ZSCAN4: variants seen among roughly 807,000 people sequenced by gnomAD.
ZSCAN4 encodes the protein zinc finger and SCAN domain-containing protein 4.
Under a neutral mutation model 18.3 loss-of-function variants are expected in ZSCAN4, and 18 were observed. The observed-to-expected ratio is 0.98, with a 90% CI of 0.68 to 1.46. The LOEUF (loss-of-function observed/expected upper bound fraction) is 1.46, where lower values mean the gene tolerates loss of function less well. Ranked by LOEUF, ZSCAN4 falls within the 40% of genes most tolerant of loss-of-function variation. ZSCAN4 has a pLI of 0.00. For synonymous variants in ZSCAN4, 193 were observed against 180.3 expected (o/e 1.07, Z -0.57); for missense variants, 498 against 511.4 (o/e 0.97, Z 0.25).
At chr19:57,653,852 C>G in the ZSCAN4 span, among the ~76,000 whole-genome samples, 4 of 152,342 alleles carry the variant, frequency 2.6e-5, no homozygotes, top group South Asian at 8.3e-4. Context: ...TCAAGGGACA[C>G]TGGAAGTCAG....
At chr19:57,656,107 G>A in the ZSCAN4 span, among the ~76,000 whole-genome samples, 1 of 152,130 alleles carries the variant, frequency 6.6e-6, no homozygotes, top group South Asian at 2.1e-4. Context: ...AAAGGGACCT[G>A]CATAGTAAAT....
the ZSCAN4 span, among the ~76,000 whole-genome samples, chr19:57,663,520 T>TAAAAAAAAAAAAAAAAAAAAAAAAA: frequency 6.0e-5 from 4 of 66,572 alleles, no homozygotes; most frequent in African/African-American, 2.6e-4. Context: ...ACCATGTCTC[T>TAAAAAAAAAAAAAAAAAAAAAAAAA]AAAAAAAAAA....
the ZSCAN4 span, among the ~76,000 whole-genome samples, chr19:57,658,807 C>G: frequency 4.7e-4 from 66 of 141,752 alleles, no homozygotes; most frequent in South Asian, 0.014. Context: ...GCACTCCAGC[C>G]TGGGCAGCAG....
At chr19:57,652,985 C>T in the ZSCAN4 span, among the ~76,000 whole-genome samples, 1 of 152,130 alleles carries the variant, frequency 6.6e-6, no homozygotes, top group African/African-American at 2.4e-5. Context: ...TGCTCTCCAC[C>T]ACCAAGATGC....
Position 57,676,513 on chromosome 19 carries a change from C to A in ZSCAN4, c.368C>A (p.Thr123Asn), listed in dbSNP as rs753069151. ...TTGGAGAGATTCATAGAAGACCTGA[C>A]TGATGACAGCATAAATCCACCTGCC... is the stretch of plus-strand genomic sequence containing the variant. Residue 123 changes from threonine to asparagine, a missense_variant, in exon 3 of 5, where the codon ACT becomes AAT. Physicochemically the swap from Thr to Asn is moderately conservative, Grantham distance 65. Transcript: ENST00000318203. 3.7e-6 allele frequency: 6 copies of A among 1,613,698 alleles called. No homozygotes were observed. In the African/African-American group the frequency reaches 5.3e-5, roughly 14 times the overall value.
At chr19:57,666,338 C>A (rs1469381854), upstream of ZSCAN4, among the ~76,000 whole-genome samples, 2 of 152,106 alleles carry the variant, frequency 1.3e-5, no homozygotes, top group African/African-American at 4.8e-5. Context: ...CTCTCCAGTT[C>A]TTTCCTTCTC....
chr19:57,667,396 A>C (rs1983884402), upstream of ZSCAN4, among the ~76,000 whole-genome samples: 1 of 152,162 alleles, frequency 6.6e-6, no homozygotes, highest in Admixed American at 6.5e-5. Context: ...ATCAAATCCT[A>C]GCCCAGCCAC....
intron 2 of ZSCAN4, among the ~76,000 whole-genome samples, chr19:57,674,116 G>A (rs1356738075): frequency 1.3e-5 from 2 of 152,162 alleles, no homozygotes; most frequent in Non-Finnish European, 2.9e-5. Context: ...GTTCATTTTG[G>A]TTTATTGGCA....
chr19:57,677,176 C>G (rs895181261), intron 3 of ZSCAN4, among the ~76,000 whole-genome samples: 1 of 152,132 alleles, frequency 6.6e-6, no homozygotes, highest in Non-Finnish European at 1.5e-5. Context: ...TCTAAAGAAG[C>G]AATTACGGTA....
chr19:57,671,660 A>T (rs1199135008), intron 2 of ZSCAN4, among the ~76,000 whole-genome samples: 1 of 152,132 alleles, frequency 6.6e-6, no homozygotes, highest in Non-Finnish European at 1.5e-5. Flanking sequence ...CCATCCAGAG[A>T]GTAGAGTGGG....
the ZSCAN4 span, among the ~76,000 whole-genome samples, chr19:57,655,136 GA>G: frequency 6.6e-6 from 1 of 152,174 alleles, no homozygotes; most frequent in Non-Finnish European, 1.5e-5. Flanking sequence ...CCCAATGGAA[GA>G]AGCTAATCCG....
upstream of ZSCAN4, among the ~76,000 whole-genome samples, chr19:57,667,503 C>T (rs1983888432): frequency 6.6e-6 from 1 of 152,198 alleles, no homozygotes; most frequent in African/African-American, 2.4e-5. Flanking sequence ...CTTTACAGGA[C>T]TGTTGTGATG....
At chr19:57,665,045 G>A (rs58604944), upstream of ZSCAN4, 26,138 of 160,254 alleles carry the variant, frequency 0.16, 2,238 homozygotes, top group East Asian at 0.23. Context: ...TTTAGCCAGC[G>A]GCATTCTGGG....
At chr19:57,677,967 A>G (rs376998207) in exon 4 of ZSCAN4, 4 of 1,595,590 alleles carry the variant, frequency 2.5e-6, no homozygotes, top group Non-Finnish European at 2.6e-6. Context: ...ATATGCCCTT[A>G]AGAGATGTCA....
chr19:57,674,133 T>C (rs1984107265), intron 2 of ZSCAN4, among the ~76,000 whole-genome samples: 1 of 152,256 alleles, frequency 6.6e-6, no homozygotes, highest in African/African-American at 2.4e-5. Context: ...GGCATTGTAA[T>C]AGACATCTCC....
At chr19:57,665,884 C>G (rs1983837774), upstream of ZSCAN4, among the ~76,000 whole-genome samples, 1 of 152,140 alleles carries the variant, frequency 6.6e-6, no homozygotes, top group Non-Finnish European at 1.5e-5. Flanking sequence ...TGCACTCCAG[C>G]CTGGGCAACA....
upstream of ZSCAN4, among the ~76,000 whole-genome samples, chr19:57,668,111 C>T (rs1453211545): frequency 6.6e-6 from 1 of 151,946 alleles, no homozygotes; most frequent in Admixed American, 6.6e-5. Context: ...ATCATGTTGG[C>T]CAGGCTGGTC....
At chr19:57,672,406 A>G (rs924608517) in intron 2 of ZSCAN4, among the ~76,000 whole-genome samples, 1 of 151,970 alleles carries the variant, frequency 6.6e-6, no homozygotes, top group Non-Finnish European at 1.5e-5. Flanking sequence ...ATTTGTATGG[A>G]TTCTGGCTTG....
chr19:57,666,169 A>G (rs893086511), upstream of ZSCAN4, among the ~76,000 whole-genome samples: 1 of 152,196 alleles, frequency 6.6e-6, no homozygotes, highest in Non-Finnish European at 1.5e-5. Context: ...CATGGTTCCT[A>G]CAGGTCCTGT....
Sources: allele counts gnomAD v4.1 joint callset (sites outside exome capture counted in the v4.1 genomes callset), GRCh38; gene constraint gnomAD v4.1.1; transcripts MANE v1.5; gene names NCBI Gene and HGNC (gene_info 2026-07-23, HGNC 2026-07-21).